RPF2: variants seen among roughly 807,000 people sequenced by gnomAD.
The protein encoded by RPF2 is ribosome production factor 2 homolog.
A neutral mutation model predicts 38.9 loss-of-function variants in RPF2; 21 were observed. The ratio of observed to expected loss-of-function variants is 0.54; its 90% confidence interval spans 0.38 to 0.78. RPF2 has a LOEUF of 0.78. RPF2 is among the 30% of genes least tolerant of loss of function. The pLI is 0.00. For synonymous variants in RPF2, 121 were observed against 126.2 expected, an observed-to-expected ratio of 0.96 and a Z score of 0.28; for missense variants, 314 against 358.1, an observed-to-expected ratio of 0.88 and a Z score of 0.99.
At chr6:110,988,864 C>G in intron 2 of RPF2, 164 bp from the exon 3 acceptor site, 1 of 836,116 alleles carries the variant, frequency 1.2e-6, no homozygotes, top group Non-Finnish European at 1.8e-6. Flanking sequence ...ATTAAGCTTA[C>G]ATTTCAAGTT....
intron 3 of RPF2, among the ~76,000 whole-genome samples, chr6:110,990,569 CCCCCA>C (rs1771602554): frequency 1.5e-5 from 2 of 135,136 alleles, no homozygotes; most frequent in South Asian, 2.7e-4. Flanking sequence ...ACCCCCCCCC[CCCCCA>C]CCTTTTCTTT....
At chr6:111,003,743 G>A (rs1168435079) in intron 6 of RPF2, among the ~76,000 whole-genome samples, 1 of 152,164 alleles carries the variant, frequency 6.6e-6, no homozygotes, top group African/African-American at 2.4e-5. Flanking sequence ...AGGATTGCTT[G>A]AGCCCAGGAG....
intron 4 of RPF2, among the ~76,000 whole-genome samples, chr6:110,994,372 G>A (rs1373965858): frequency 1.3e-5 from 2 of 151,998 alleles, no homozygotes; most frequent in African/African-American, 2.4e-5. Flanking sequence ...ATTGCGTGGG[G>A]CCAGGATTTC....
intron 4 of RPF2, among the ~76,000 whole-genome samples, chr6:110,994,455 G>A (rs916797779): frequency 6.6e-6 from 1 of 151,788 alleles, no homozygotes; most frequent in Admixed American, 6.6e-5. Flanking sequence ...AAATGGTGGT[G>A]GGAGCCCAAG....
At position 110,982,126 on chromosome 6, in the gene RPF2, T is replaced by A; in HGVS notation, c.20T>A (p.Val7Glu). MDTLDR[V>E]VKPKTKRAKR... ...GTAGCGATGGACACTCTGGATCGAG[T>A]AGTGTAAGTGCGCTGGGTCTCAGCC... The change falls in exon 1 of 10, where the codon GTA becomes GAA. Residue 7 changes from valine (V) to glutamate (E), a missense_variant. By Grantham distance (121) the Val-to-Glu change is moderately radical. Transcript: ENST00000441448. The A allele has an allele frequency of 6.2e-7, 1 of 1,613,978 alleles. No individual in the cohort carries two copies. Among genetic ancestry groups the A allele is most frequent in the African/African-American group, 1.3e-5 (1 of 74,982 alleles).
At chr6:111,019,614 G>A (rs1772193183) in intron 8 of RPF2, among the ~76,000 whole-genome samples, 1 of 152,060 alleles carries the variant, frequency 6.6e-6, no homozygotes, top group South Asian at 2.1e-4. Context: ...GTAGGCGCCT[G>A]TAATCCTAGC....
Position 110,989,013 on chromosome 6 carries a change from A to G in RPF2, c.157-15A>G, listed in dbSNP as rs374730917. 1 of 1,596,222 alleles carries G rather than the reference A, an allele frequency of 6.3e-7. No individual in the cohort carries two copies. The highest frequency in any genetic ancestry group is 8.5e-7 in the Non-Finnish European group (1 of 1,170,850). On this transcript the variant is annotated splice_polypyrimidine_tract_variant and intron_variant, in intron 2 of 9. Coordinates refer to ENST00000441448, the MANE Select transcript of RPF2 (RefSeq NM_032194.3). ...AATGTGTTTTGTTTTGAAAGCTATA[A>G]ATTTTGTTTTACAGTATGCACTGAA...
At chr6:111,011,308 C>CTTTCTTTCT (rs1554249801) in intron 7 of RPF2, among the ~76,000 whole-genome samples, 25 of 88,262 alleles carry the variant, frequency 2.8e-4, no homozygotes, top group African/African-American at 1.1e-3. Flanking sequence ...TTCTTTCTTT[C>CTTTCTTTCT]TTTTTTTTTT....
At chr6:110,989,216 G>T in intron 3 of RPF2, 151 bp downstream of exon 3, 5 of 839,800 alleles carry the variant, frequency 6.0e-6, no homozygotes, top group South Asian at 2.7e-5. Context: ...CTTTTGGTCT[G>T]TTTTTTTCAT....
chr6:111,014,848 C>T (rs144245632), intron 7 of RPF2, among the ~76,000 whole-genome samples: 8 of 152,248 alleles, frequency 5.3e-5, no homozygotes, highest in Non-Finnish European at 1.2e-4. Flanking sequence ...TTGTTTGAGA[C>T]AGGGTTTTGC....
At chr6:111,024,629 C>T (rs973799346) in intron 9 of RPF2, among the ~76,000 whole-genome samples, 1 of 149,056 alleles carries the variant, frequency 6.7e-6, no homozygotes, top group Non-Finnish European at 1.5e-5. Context: ...AGGAGAATGG[C>T]GTGAACCGGG....
At chr6:110,982,511 A>ATTTTTTAATG in intron 1 of RPF2, 1 of 250,242 alleles carries the variant, frequency 4.0e-6, no homozygotes, top group South Asian at 6.5e-5. Context: ...TGGGTCATTA[A>ATTTTTTAATG]ATATCTCTAA....
Position 110,991,771 on chromosome 6 carries a change from G to T in RPF2, c.219G>T (p.Glu73Asp). 1 of 1,234,686 alleles carries T rather than the reference G, an allele frequency of 8.1e-7. No individual in the cohort carries two copies. The highest frequency in any genetic ancestry group is 1.1e-6 in the Non-Finnish European group (1 of 885,818). The allele number at this position is 1,234,686 out of a possible 1,614,324, so 76.5% of individuals were successfully genotyped here. A position where few individuals can be genotyped will look rare whatever the true frequency, so the allele number is the denominator to read the frequency against. The change falls in exon 4 of 10, where the codon GAG (glutamate) becomes GAT (aspartate). Residue 73 changes from glutamate to aspartate, a missense_variant. Transcript: ENST00000441448. ...GGAAAAATATTACAAGACCTTTTGA[G>T]GATCAGACATCACTGGTAAGTATAA... ...YKKKNITRPF[E>D]DQTSLEFFSK...
intron 7 of RPF2, among the ~76,000 whole-genome samples, chr6:111,013,427 C>T (rs944351625): frequency 1.3e-5 from 2 of 152,072 alleles, no homozygotes; most frequent in Non-Finnish European, 2.9e-5. Context: ...GTTTGTGTTA[C>T]CTTGATGATT....
Position 110,982,059 on chromosome 6 carries a change from G to T in RPF2, c.-48G>T, listed in dbSNP as rs547266693. ...GCCTGTTCCGGCGCACGTAATCGCC[G>T]AGGGCACGTGCATGCCCCCTGGTTA... On this transcript the variant is annotated 5_prime_UTR_variant, in exon 1 of 10. Coordinates refer to ENST00000441448, the MANE Select transcript of RPF2 (RefSeq NM_032194.3). 6.2e-7 allele frequency: 1 copy of T among 1,612,278 alleles called. No homozygotes were observed. Among genetic ancestry groups the T allele is most frequent in the East Asian group, 2.2e-5 (1 of 44,870 alleles).
At chr6:110,991,463 A>C (rs896722456) in intron 3 of RPF2, among the ~76,000 whole-genome samples, 3 of 151,428 alleles carry the variant, frequency 2.0e-5, no homozygotes, top group African/African-American at 7.3e-5. Context: ...GGTTGGTCAA[A>C]TCAATCCATG....
At chr6:111,011,501 T>G (rs991675603) in intron 7 of RPF2, among the ~76,000 whole-genome samples, 15 of 152,128 alleles carry the variant, frequency 9.9e-5, no homozygotes, top group Admixed American at 2.0e-4. Flanking sequence ...TTAGCCAGGC[T>G]GGTCTTGAAC....
intron 3 of RPF2, among the ~76,000 whole-genome samples, chr6:110,990,195 C>T (rs2114296390): frequency 6.6e-6 from 1 of 152,266 alleles, no homozygotes; most frequent in South Asian, 2.1e-4. Context: ...ACCTCGGCCT[C>T]CCAAAGTGCT....
intron 6 of RPF2, among the ~76,000 whole-genome samples, chr6:111,004,701 C>T (rs1771879073): frequency 6.6e-6 from 1 of 151,932 alleles, no homozygotes; most frequent in Non-Finnish European, 1.5e-5. Context: ...GCCTCAGCCT[C>T]CCAAGTAGCT....
Sources: gnomAD v4.1 joint callset for allele counts (sites outside exome capture counted in the v4.1 genomes callset) on GRCh38, gnomAD v4.1.1 for gene constraint, MANE v1.5 for transcripts, NCBI Gene and HGNC (gene_info 2026-07-23, HGNC 2026-07-21) for gene names.